Variants in ADAMTS17 observed in about 807,000 individuals in gnomAD.
The protein encoded by ADAMTS17 is A disintegrin and metalloproteinase with thrombospondin motifs 17.
ADAMTS17 carries 113 observed loss-of-function variants against 141.5 expected under a neutral mutation model. The observed-to-expected ratio is 0.80, with a 90% CI of 0.69 to 0.93. The LOEUF is 0.93. Ranked by LOEUF, ADAMTS17 falls within the 40% of genes least tolerant of loss-of-function variation. The pLI, the probability that ADAMTS17 is intolerant of heterozygous loss-of-function variation, is 0.00. For synonymous variants in ADAMTS17, 768 were observed against 630.6 expected (o/e 1.22, Z -3.27); for missense variants, 1,659 against 1,517.9 (o/e 1.09, Z -1.54).
rs62040996 is a variant in ADAMTS17, at chr15:99,989,025, C to T, written c.2949+4023G>A. ...AATGGTGATGCTGAGGACAGCCAGG[C>T]CTTGGAGCCCAAAGACCATCTACAG... On this transcript the variant is annotated intron_variant, in intron 20 of 21. Transcript: ENST00000268070. Among the ~76,000 whole-genome samples, 35 of 152,314 alleles carry T rather than the reference C, an allele frequency of 2.3e-4. No individual in the cohort carries two copies. In the South Asian group the frequency reaches 6.6e-3, roughly 29 times the overall value.
In ADAMTS17 at chr15:100,076,940, C is replaced by T. The variant is rs527997043; in HGVS notation, c.2137+19416G>A. ...TATAGCTCTATTTTTTTGCTTAAAT[C>T]GCTATGAAGTTTATATATCTACTCA... On this transcript the variant is annotated intron_variant, in intron 15 of 21. Coordinates refer to ENST00000268070, the MANE Select transcript of ADAMTS17 (RefSeq NM_139057.4). Among the ~76,000 whole-genome samples, 39 of 151,900 alleles carry T rather than the reference C, an allele frequency of 2.6e-4. 1 individual carries two copies. In the South Asian group the frequency reaches 7.7e-3, roughly 30 times the overall value.
chr15:100,182,027 G>A (rs908746288), intron 8 of ADAMTS17, among the ~76,000 whole-genome samples: 1 of 152,188 alleles, frequency 6.6e-6, no homozygotes, highest in South Asian at 2.1e-4. Context: ...CTTCTAGCTA[G>A]GACATCCATG....
At chr15:100,082,889 A>T (rs1449115062) in intron 15 of ADAMTS17, among the ~76,000 whole-genome samples, 2 of 150,666 alleles carry the variant, frequency 1.3e-5, no homozygotes, top group African/African-American at 4.9e-5. Flanking sequence ...GCTTACTCTC[A>T]GGATTGGCTT....
At chr15:100,024,037 G>A (rs985463815) in intron 18 of ADAMTS17, among the ~76,000 whole-genome samples, 6 of 152,126 alleles carry the variant, frequency 3.9e-5, no homozygotes, top group Non-Finnish European at 7.3e-5. Flanking sequence ...ACTGTGCATC[G>A]CTATTGATAG....
intron 20 of ADAMTS17, among the ~76,000 whole-genome samples, chr15:99,977,198 A>C (rs1469830): frequency 0.63 from 94,324 of 149,948 alleles, 30,530 homozygotes; most frequent in Non-Finnish European, 0.71. Context: ...GTGTTGATTT[A>C]GACATCCCTG....
chr15:100,339,006 G>A lies in ADAMTS17; in HGVS notation c.450+2033C>T, dbSNP rs573849334. On this transcript the variant is annotated intron_variant, in intron 2 of 21. Transcript: ENST00000268070. Reference sequence around the variant, plus strand: ...CCGGCCTTCAGTACGTACAGAGGGGGAAGTGTCCAATGTCCAGCTCACACG... The same window carrying A: ...CCGGCCTTCAGTACGTACAGAGGGGAAAGTGTCCAATGTCCAGCTCACACG... 3 of 985,394 alleles carry A rather than the reference G, an allele frequency of 3.0e-6. No individual in the cohort carries two copies. The African/African-American group carries it at 5.2e-5, about 17-fold the overall frequency. The allele number at this position is 985,394 out of a possible 1,614,324, so 61.0% of individuals were successfully genotyped here.
At chr15:100,014,630 C>T (rs765325843) in intron 18 of ADAMTS17, among the ~76,000 whole-genome samples, 2 of 152,120 alleles carry the variant, frequency 1.3e-5, no homozygotes, top group Admixed American at 6.5e-5. Context: ...GATGCTCATT[C>T]GGGAGCAGGT....
At chr15:100,060,912 A>G (rs1386200844) in intron 15 of ADAMTS17, among the ~76,000 whole-genome samples, 3 of 152,114 alleles carry the variant, frequency 2.0e-5, no homozygotes, top group African/African-American at 7.2e-5. Flanking sequence ...GAGTGGAGAC[A>G]AGGCCTTTTT....
chr15:100,172,195 C>T (rs182663921), intron 8 of ADAMTS17, among the ~76,000 whole-genome samples: 44 of 152,224 alleles, frequency 2.9e-4, no homozygotes, highest in African/African-American at 1.1e-3. Flanking sequence ...CAGTGGAATC[C>T]CCTGGAGAAT....
intron 8 of ADAMTS17, among the ~76,000 whole-genome samples, chr15:100,166,573 T>A (rs1037133375): frequency 1.3e-5 from 2 of 152,182 alleles, no homozygotes; most frequent in Non-Finnish European, 2.9e-5. Context: ...AAATAATCAT[T>A]TGTAAAGCCT....
At chr15:100,292,247 T>TGGGGAGTCAC (rs2044659361) in intron 3 of ADAMTS17, among the ~76,000 whole-genome samples, 1 of 151,388 alleles carries the variant, frequency 6.6e-6, no homozygotes, top group South Asian at 2.1e-4. Context: ...GCTCACCCCG[T>TGGGGAGTCAC]GAGAAACTAT....
At chr15:100,279,276 T>G (rs1205683692) in intron 4 of ADAMTS17, among the ~76,000 whole-genome samples, 2 of 152,128 alleles carry the variant, frequency 1.3e-5, no homozygotes, top group African/African-American at 4.8e-5. Context: ...CAGAGCCAAC[T>G]TCCTCCCCAG....
At chr15:100,254,634 C>G (rs1205339147) in intron 6 of ADAMTS17, among the ~76,000 whole-genome samples, 3 of 152,146 alleles carry the variant, frequency 2.0e-5, no homozygotes, top group African/African-American at 7.2e-5. Flanking sequence ...AAAGTCATTT[C>G]TAAAAACTGT....
chr15:100,216,353 C>T (rs749769533), intron 7 of ADAMTS17, among the ~76,000 whole-genome samples: 2 of 152,214 alleles, frequency 1.3e-5, no homozygotes, highest in East Asian at 1.9e-4. Flanking sequence ...TCACAATGAT[C>T]GGCAGTTTAG....
In ADAMTS17 at chr15:100,176,663, T is replaced by C. The variant is rs192709944; in HGVS notation, c.1182-21343A>G. On this transcript the variant is annotated intron_variant, in intron 8 of 21. Coordinates refer to ENST00000268070, the MANE Select transcript of ADAMTS17 (RefSeq NM_139057.4). The stretch of plus-strand genomic sequence containing the variant: ...TTATACATGCGTTCATTCATATGTG[T>C]AGAGCTCTATGCAATTATATCACGT... Among the ~76,000 whole-genome samples, 8 of 152,266 alleles carry C rather than the reference T, an allele frequency of 5.3e-5. No individual in the cohort carries two copies. In the East Asian group the frequency reaches 1.5e-3, roughly 29 times the overall value.
intron 3 of ADAMTS17, among the ~76,000 whole-genome samples, chr15:100,298,134 G>C (rs568583270): frequency 6.6e-6 from 1 of 152,122 alleles, no homozygotes; most frequent in Admixed American, 6.6e-5. Context: ...AGGAAATGGC[G>C]CAAACTTTGG....
chr15:99,996,175 C>T (rs1030700659), intron 19 of ADAMTS17, among the ~76,000 whole-genome samples: 5 of 152,102 alleles, frequency 3.3e-5, no homozygotes, highest in African/African-American at 7.2e-5. Context: ...CTGCCTCAAC[C>T]GCCCAAGTAG....
chr15:100,036,766 C>A (rs2622532), intron 18 of ADAMTS17, among the ~76,000 whole-genome samples: 4 of 152,074 alleles, frequency 2.6e-5, no homozygotes, highest in Admixed American at 2.0e-4. Flanking sequence ...GCACTAGGCA[C>A]CCACCCATCT....
At chr15:100,223,641 A>C (rs918550908) in intron 7 of ADAMTS17, among the ~76,000 whole-genome samples, 1 of 151,756 alleles carries the variant, frequency 6.6e-6, no homozygotes. Context: ...TTTCTTAGAG[A>C]GATAGAACTT....
Sources: allele counts gnomAD v4.1 joint callset (sites outside exome capture counted in the v4.1 genomes callset), GRCh38; gene constraint gnomAD v4.1.1; transcripts MANE v1.5; gene names NCBI Gene and HGNC (gene_info 2026-07-23, HGNC 2026-07-21).